Variants in LRFN2 observed in about 807,000 individuals in gnomAD.
LRFN2 encodes the protein leucine rich repeat and fibronectin type III domain containing 2, also known as leucine-rich repeat and fibronectin type-III domain-containing protein 2.
LRFN2 carries 18 observed loss-of-function variants against 37.3 expected under a neutral mutation model. The ratio of observed to expected loss-of-function variants is 0.48; its 90% CI spans 0.33 to 0.72. LRFN2 has a LOEUF of 0.72. LRFN2 is among the 30% of genes least tolerant of loss of function. The probability of loss-of-function intolerance (pLI) is 0.02; values close to 1 mark genes in which losing one functional copy is unlikely to be tolerated. For missense variants in LRFN2, 1,006 were observed against 1,060.7 expected, an observed-to-expected ratio of 0.95 and a Z score of 0.72; for synonymous variants, 556 against 466.6, an observed-to-expected ratio of 1.19 and a Z score of -2.47.
chr6:40,495,467 C>A (rs1267253248), intron 1 of LRFN2, among the ~76,000 whole-genome samples: 1 of 152,200 alleles, frequency 6.6e-6, no homozygotes, highest in Non-Finnish European at 1.5e-5. Flanking sequence ...TCATGTTGGG[C>A]ATTTACTCCT....
intron 1 of LRFN2, among the ~76,000 whole-genome samples, chr6:40,435,730 G>A (rs1315156453): frequency 6.6e-6 from 1 of 152,084 alleles, no homozygotes; most frequent in Non-Finnish European, 1.5e-5. Context: ...AGTAGAGACA[G>A]GGTTTCACTG....
At chr6:40,508,266 C>T (rs1765599057) in intron 1 of LRFN2, among the ~76,000 whole-genome samples, 1 of 152,244 alleles carries the variant, frequency 6.6e-6, no homozygotes, top group Admixed American at 6.5e-5. Flanking sequence ...AGGTAAGGGG[C>T]AGATCAGGGC....
At chr6:40,559,133 T>C (rs962523708) in intron 1 of LRFN2, among the ~76,000 whole-genome samples, 2 of 148,008 alleles carry the variant, frequency 1.4e-5, no homozygotes, top group African/African-American at 5.0e-5. Context: ...GGGGGGAGGA[T>C]GGATGGCCGC....
chr6:40,434,741 G>A (rs1763603516), intron 1 of LRFN2, among the ~76,000 whole-genome samples: 1 of 151,548 alleles, frequency 6.6e-6, no homozygotes. Flanking sequence ...GCCTCCCAAA[G>A]TGCTGGGATT....
chr6:40,538,968 A>T (rs933949411), intron 1 of LRFN2, among the ~76,000 whole-genome samples: 8 of 152,152 alleles, frequency 5.3e-5, no homozygotes, highest in African/African-American at 1.9e-4. Context: ...TATTCACCTC[A>T]CCCTGTTCTG....
chr6:40,515,788 G>C (rs1015228248), intron 1 of LRFN2, among the ~76,000 whole-genome samples: 1 of 151,696 alleles, frequency 6.6e-6, no homozygotes, highest in African/African-American at 2.4e-5. Context: ...AGGTACTCGG[G>C]AGGCTGAGGC....
intron 2 of LRFN2, among the ~76,000 whole-genome samples, chr6:40,421,530 G>A (rs1446730326): frequency 6.6e-6 from 1 of 152,208 alleles, no homozygotes; most frequent in Non-Finnish European, 1.5e-5. Context: ...AAAAAGGAGT[G>A]TCTGGGTAAC....
chr6:40,424,829 C>T (rs1184548298), intron 2 of LRFN2, among the ~76,000 whole-genome samples: 3 of 152,182 alleles, frequency 2.0e-5, no homozygotes, highest in Non-Finnish European at 4.4e-5. Context: ...AACACCTGTC[C>T]CTAACAGCTT....
chr6:40,467,449 C>T (rs935951963), intron 1 of LRFN2, among the ~76,000 whole-genome samples: 8 of 152,052 alleles, frequency 5.3e-5, no homozygotes, highest in South Asian at 2.1e-4. Context: ...CCTCCAATTG[C>T]GCTCCCTCCA....
intron 2 of LRFN2, among the ~76,000 whole-genome samples, chr6:40,421,642 G>A (rs1763231383): frequency 3.3e-5 from 5 of 152,180 alleles, no homozygotes; most frequent in Admixed American, 2.6e-4. Flanking sequence ...CAGACTTAAA[G>A]AGTCTGTTCT....
At chr6:40,516,044 G>C (rs1005329170) in intron 1 of LRFN2, among the ~76,000 whole-genome samples, 1 of 152,122 alleles carries the variant, frequency 6.6e-6, no homozygotes, top group African/African-American at 2.4e-5. Flanking sequence ...GGGATAGGTG[G>C]CTTGAAAACC....
chr6:40,536,057 G>T (rs1433742), intron 1 of LRFN2, among the ~76,000 whole-genome samples: 80,886 of 151,824 alleles, frequency 0.53, 22,755 homozygotes, highest in African/African-American at 0.72. Context: ...CATGGTCAAT[G>T]GCCAGCTGCA....
chr6:40,438,310 TCACAACCC>T (rs1214599272), intron 1 of LRFN2, among the ~76,000 whole-genome samples: 1 of 152,086 alleles, frequency 6.6e-6, no homozygotes, highest in African/African-American at 2.4e-5. Flanking sequence ...CATGTAGTCT[TCACAACCC>T]CACAAGGTGA....
intron 1 of LRFN2, among the ~76,000 whole-genome samples, chr6:40,474,114 G>C (rs2092299301): frequency 1.3e-5 from 2 of 152,102 alleles, no homozygotes; most frequent in Non-Finnish European, 2.9e-5. Flanking sequence ...GGAAACCTGG[G>C]CACCTTCTCA....
rs372431204 is a variant in LRFN2 at position 40,491,162 on chromosome 6, G to T, written c.-18-58031C>A. Among the ~76,000 whole-genome samples, 5 of 152,314 alleles carry T rather than the reference G, an allele frequency of 3.3e-5. No homozygotes were observed. In the East Asian group the frequency reaches 7.7e-4, roughly 24 times the overall value. On this transcript the variant is annotated intron_variant, in intron 1 of 2. Transcript: ENST00000338305. The stretch of plus-strand genomic sequence containing the variant: ...CCACTGCAGGATCTAGAGCAGAAGA[G>T]GCTGTGACATACCGTCACCACGGAT...
chr6:40,579,607 CACACAA>C (rs1554146202), intron 1 of LRFN2, among the ~76,000 whole-genome samples: 3,909 of 121,198 alleles, frequency 0.032, 87 homozygotes, highest in Admixed American at 0.046. Flanking sequence ...CACACGAACA[CACACAA>C]ACACACACAC....
At chr6:40,522,190 A>C (rs1766096013) in intron 1 of LRFN2, among the ~76,000 whole-genome samples, 1 of 152,152 alleles carries the variant, frequency 6.6e-6, no homozygotes, top group South Asian at 2.1e-4. Context: ...AAAACATGGA[A>C]AAACTAAATG....
chr6:40,527,600 T>C (rs896869665), intron 1 of LRFN2, among the ~76,000 whole-genome samples: 1 of 152,180 alleles, frequency 6.6e-6, no homozygotes, highest in Non-Finnish European at 1.5e-5. Context: ...GGAAGCTAGA[T>C]TTTAAATCAT....
intron 2 of LRFN2, among the ~76,000 whole-genome samples, chr6:40,416,162 G>A (rs1209152121): frequency 2.0e-5 from 3 of 152,086 alleles, no homozygotes; most frequent in African/African-American, 7.2e-5. Context: ...GCATGTGCCA[G>A]CACGCCCTGC....
Sources: gnomAD v4.1 joint callset for allele counts (sites outside exome capture counted in the v4.1 genomes callset) on GRCh38, gnomAD v4.1.1 for gene constraint, MANE v1.5 for transcripts, NCBI Gene and HGNC (gene_info 2026-07-23, HGNC 2026-07-21) for gene names.